NPTN: variants seen among roughly 807,000 people sequenced by gnomAD.
The protein encoded by NPTN is neuroplastin.
A neutral mutation model predicts 42.7 loss-of-function variants in NPTN; 5 were observed. That is an observed-to-expected ratio of 0.12 (90% CI 0.06 to 0.25). NPTN has a LOEUF of 0.25. Ranked by LOEUF, NPTN falls within the 10% of genes least tolerant of loss-of-function variation. The pLI is 1.00. For synonymous variants in NPTN, 180 were observed against 201.9 expected, an observed-to-expected ratio of 0.89 and a Z score of 0.92; for missense variants, 307 against 525.4, an observed-to-expected ratio of 0.58 and a Z score of 4.06.
chr15:73,621,818 G>A (rs542728027), intron 1 of NPTN, among the ~76,000 whole-genome samples: 44 of 152,108 alleles, frequency 2.9e-4, no homozygotes, highest in African/African-American at 9.6e-4. Context: ...GTATAACTAG[G>A]GTTATGTTTC....
rs118180464 is a variant in NPTN at position 73,587,251 on chromosome 15, C to A, written c.706+273G>T. ...TAACTTATTTAATCCTCCTAAATAACCCATGATGTAAGTACTGCTGATATC... is the reference window on the plus strand; with the variant it reads ...TAACTTATTTAATCCTCCTAAATAAACCATGATGTAAGTACTGCTGATATC... On this transcript the variant is annotated intron_variant, in intron 4 of 8. Transcript: ENST00000345330. 2.1e-3 allele frequency among the ~76,000 whole-genome samples: 324 copies of A among 152,292 alleles called. 10 individuals are homozygous for A. In the East Asian group the frequency reaches 0.059, roughly 28 times the overall value.
intron 3 of NPTN, chr15:73,591,750 G>T (rs1004274497): frequency 4.8e-6 from 2 of 412,958 alleles, no homozygotes; most frequent in Non-Finnish European, 8.8e-6. Flanking sequence ...ATAGTGAGGG[G>T]ATCATCTATG....
At chr15:73,622,108 G>A (rs1898162219) in intron 1 of NPTN, among the ~76,000 whole-genome samples, 1 of 151,998 alleles carries the variant, frequency 6.6e-6, no homozygotes, top group African/African-American at 2.4e-5. Flanking sequence ...CTGAGATCGC[G>A]CCACTACACT....
At chr15:73,568,312 A>C (rs542829717) in intron 6 of NPTN, 4 of 985,430 alleles carry the variant, frequency 4.1e-6, no homozygotes, top group Non-Finnish European at 4.8e-6. Flanking sequence ...CTTGCCTTAA[A>C]ATTTAAAAAT....
intron 4 of NPTN, among the ~76,000 whole-genome samples, chr15:73,587,092 C>G (rs1258948956): frequency 6.6e-6 from 1 of 152,208 alleles, no homozygotes; most frequent in East Asian, 1.9e-4. Context: ...ATCCTGCTGG[C>G]CCACAGAAGA....
At chr15:73,617,744 T>C (rs1293668273) in intron 1 of NPTN, among the ~76,000 whole-genome samples, 1 of 152,234 alleles carries the variant, frequency 6.6e-6, no homozygotes, top group Admixed American at 6.5e-5. Flanking sequence ...CATTCGGCTT[T>C]ACAAAGCTGC....
intron 7 of NPTN, among the ~76,000 whole-genome samples, chr15:73,562,661 A>T (rs910864416): frequency 1.1e-4 from 17 of 152,200 alleles, no homozygotes; most frequent in African/African-American, 4.1e-4. Context: ...TCTCTTGGAT[A>T]CGAGCAATTG....
At position 73,596,487 on chromosome 15, in the gene NPTN, T is replaced by G. The variant is rs145389345; in HGVS notation, c.439+535A>C. ...AGACACAAACTTAAAACCATAGAGG[T>G]GAAGGCAGCTACTTAGAGAGCTTCA... is the stretch of plus-strand genomic sequence containing the variant. On this transcript the variant is annotated intron_variant, in intron 2 of 8. Coordinates refer to ENST00000345330, the MANE Select transcript of NPTN (RefSeq NM_012428.4). Among the ~76,000 whole-genome samples the G allele has an allele frequency of 7.9e-4, 120 of 151,810 alleles. 1 individual carries two copies. Among genetic ancestry groups the G allele is most frequent in the African/African-American group, 2.9e-3 (119 of 41,368 alleles).
At position 73,592,041 on chromosome 15, in the gene NPTN, A is replaced by T; in HGVS notation, c.536T>A (p.Leu179His). 6.2e-7 allele frequency: 1 copy of T among 1,614,012 alleles called. No homozygotes were observed. The highest frequency in any genetic ancestry group is 1.1e-5 in the South Asian group (1 of 91,074). Residue 179 changes from leucine (L) to histidine (H), a missense_variant, in exon 3 of 9, where the codon CTT becomes CAT. Leu to His is a moderately conservative substitution (Grantham distance 99, BLOSUM62 -3). This residue lies in a region of NPTN where 264 missense variants were observed against 491.1 expected (regional missense o/e 0.54). Transcript: ENST00000345330. ...ATTCTTTGTCCAGTAGCTGTATGTA[A>T]GGGTGTGAGAGCTGGAGGTGAGGTT... is the stretch of plus-strand genomic sequence containing the variant. ...QCNLTSSSHT[L>H]TYSYWTKNGV... is the part of the protein sequence containing the mutation.
chr15:73,562,196 T>G (rs1011181497), intron 7 of NPTN, among the ~76,000 whole-genome samples: 1 of 152,190 alleles, frequency 6.6e-6, no homozygotes, highest in African/African-American at 2.4e-5. Context: ...TTGAATTTTT[T>G]TAGATTTTGG....
intron 1 of NPTN, 92 bp downstream of exon 1, chr15:73,633,033 G>T (rs1024570662): frequency 3.2e-6 from 3 of 924,318 alleles, no homozygotes; most frequent in Non-Finnish European, 4.4e-6. Flanking sequence ...CCCCTTCCCC[G>T]AGCTCCAGCG....
intron 4 of NPTN, among the ~76,000 whole-genome samples, chr15:73,580,727 A>G (rs1595913084): frequency 6.6e-6 from 1 of 151,644 alleles, no homozygotes; most frequent in African/African-American, 2.4e-5. Flanking sequence ...TAGATGTGCT[A>G]AAACACCTTA....
chr15:73,624,794 C>A (rs1321838302), intron 1 of NPTN, among the ~76,000 whole-genome samples: 1 of 152,118 alleles, frequency 6.6e-6, no homozygotes, highest in Non-Finnish European at 1.5e-5. Flanking sequence ...CATTAGTACT[C>A]CCAGCCCTGC....
intron 4 of NPTN, among the ~76,000 whole-genome samples, chr15:73,575,672 T>C (rs140103397): frequency 6.3e-4 from 96 of 152,324 alleles, no homozygotes; most frequent in East Asian, 9.7e-4. Context: ...TACTATTGCA[T>C]TGGGGCTAAT....
At chr15:73,589,041 G>A (rs1292556671) in intron 3 of NPTN, among the ~76,000 whole-genome samples, 1 of 152,138 alleles carries the variant, frequency 6.6e-6, no homozygotes, top group Non-Finnish European at 1.5e-5. Context: ...ACTGTAAGAA[G>A]AGTGTATGGG....
At chr15:73,583,150 C>T (rs147628921) in intron 4 of NPTN, among the ~76,000 whole-genome samples, 1 of 152,332 alleles carries the variant, frequency 6.6e-6, no homozygotes, top group Admixed American at 6.5e-5. Context: ...TGAGCTATCT[C>T]ATTCTACTTC....
At chr15:73,608,854 C>T (rs186201356) in intron 1 of NPTN, among the ~76,000 whole-genome samples, 176 of 152,270 alleles carry the variant, frequency 1.2e-3, no homozygotes, top group African/African-American at 3.9e-3. Flanking sequence ...GTGGGGTGGG[C>T]AGTGATACTA....
intron 1 of NPTN, 51 bp downstream of exon 1, chr15:73,633,074 G>A (rs759050040): frequency 3.1e-6 from 4 of 1,278,716 alleles, no homozygotes; most frequent in Middle Eastern, 2.8e-4. Flanking sequence ...GCCCCCTCCG[G>A]CCCCGGCGCC....
At position 73,597,189 on chromosome 15, in the gene NPTN, G is replaced by T. The variant is rs1896871764; in HGVS notation, c.272C>A (p.Thr91Asn). The T allele has an allele frequency of 6.2e-7, 1 of 1,614,084 alleles. No homozygotes were observed. Among genetic ancestry groups the T allele is most frequent in the South Asian group, 1.1e-5 (1 of 91,088 alleles). ...ACTCACGCCGTTTGACCCGTAGGCG[G>T]TGTTTACGGTGACACGGCGCTTCCG... ...GARKRRVTVNTAYGSNGVSVL... is the reference protein window; with the variant it reads ...GARKRRVTVNNAYGSNGVSVL... Residue 91 changes from threonine (T) to asparagine (N), a missense_variant, in exon 2 of 9, where the codon ACC (threonine) becomes AAC (asparagine). Thr to Asn is a moderately conservative substitution (Grantham distance 65, BLOSUM62 0). Transcript: ENST00000345330. This position sits in a 1 kb window ranked among gnomAD's most constrained non-coding sequence, Gnocchi z 6.3.
Sources: allele counts gnomAD v4.1 joint callset (sites outside exome capture counted in the v4.1 genomes callset), GRCh38; gene constraint gnomAD v4.1.1; regional missense constraint gnomAD v4.1.1; non-coding constraint Gnocchi (gnomAD v3.1); transcripts MANE v1.5; gene names NCBI Gene and HGNC (gene_info 2026-07-23, HGNC 2026-07-21).